Variants in NDST4 observed in about 807,000 individuals in gnomAD.
The protein encoded by NDST4 is N-deacetylase and N-sulfotransferase 4, also known as N-heparan sulfate sulfotransferase 4.
A neutral mutation model predicts 100.8 loss-of-function variants in NDST4; 63 were observed. The observed-to-expected ratio is 0.62, with a 90% CI of 0.51 to 0.77. NDST4 has a LOEUF of 0.77. Ranked by LOEUF, NDST4 falls within the 30% of genes least tolerant of loss-of-function variation. NDST4 has a pLI of 0.00. For synonymous variants in NDST4, 377 were observed against 361.8 expected, an observed-to-expected ratio of 1.04 and a Z score of -0.48; for missense variants, 943 against 1,018.4, an observed-to-expected ratio of 0.93 and a Z score of 1.01.
At chr4:114,875,162 C>T (rs1724230967) in intron 6 of NDST4, among the ~76,000 whole-genome samples, 1 of 152,140 alleles carries the variant, frequency 6.6e-6, no homozygotes, top group African/African-American at 2.4e-5. Context: ...TCCAAGAGGG[C>T]ACCAAGGTCT....
intron 2 of NDST4, among the ~76,000 whole-genome samples, chr4:115,041,010 A>G: frequency 6.6e-6 from 1 of 152,002 alleles, no homozygotes. Context: ...TATGAACTCT[A>G]CCTCTGAGTA....
intron 10 of NDST4, among the ~76,000 whole-genome samples, chr4:114,844,747 T>C (rs1723506510): frequency 6.6e-6 from 1 of 152,208 alleles, no homozygotes; most frequent in Admixed American, 6.5e-5. Context: ...AATATTCCAT[T>C]TTAGTATGAC....
At chr4:115,037,554 A>C (rs1183777470) in intron 2 of NDST4, among the ~76,000 whole-genome samples, 2 of 152,108 alleles carry the variant, frequency 1.3e-5, no homozygotes, top group Non-Finnish European at 2.9e-5. Context: ...ATGTATGTAA[A>C]TATGTATGTA....
intron 2 of NDST4, among the ~76,000 whole-genome samples, chr4:115,039,707 G>A: frequency 6.6e-6 from 1 of 151,846 alleles, no homozygotes; most frequent in East Asian, 1.9e-4. Context: ...TATTGTTAAG[G>A]AAAAGAAAAT....
chr4:115,033,146 TATATATA>T (rs1399987002), intron 2 of NDST4, among the ~76,000 whole-genome samples: 37 of 130,586 alleles, frequency 2.8e-4, no homozygotes, highest in African/African-American at 8.9e-4. Context: ...TATATATATA[TATATATA>T]TATATTTTTT....
At chr4:115,101,025 T>A (rs551948617) in intron 1 of NDST4, among the ~76,000 whole-genome samples, 2 of 152,150 alleles carry the variant, frequency 1.3e-5, no homozygotes, top group African/African-American at 4.8e-5. Flanking sequence ...GATTTGGTGA[T>A]TGATTGGATG....
chr4:114,948,256 C>T (rs1725912685), intron 4 of NDST4, among the ~76,000 whole-genome samples: 1 of 151,812 alleles, frequency 6.6e-6, no homozygotes, highest in Non-Finnish European at 1.5e-5. Context: ...TGAGCCATCC[C>T]TCTGAATGTC....
In NDST4 at chr4:114,935,315, C is replaced by T. The variant is rs754722334; in HGVS notation, c.1427G>A (p.Cys476Tyr). 1 of 1,607,740 alleles carries T rather than the reference C, an allele frequency of 6.2e-7. No individual in the cohort carries two copies. Among genetic ancestry groups the T allele is most frequent in the East Asian group, 2.2e-5 (1 of 44,496 alleles). ...NSIMVLPRQTCGLFTHTIFYK... is the reference protein window; with the variant it reads ...NSIMVLPRQTYGLFTHTIFYK... Reference sequence around the variant, plus strand: ...GAAAATAGTGTGAGTGAACAACCCACAAGTCTGTCGAGGGAGGACCTGAGT... The same window carrying T: ...GAAAATAGTGTGAGTGAACAACCCATAAGTCTGTCGAGGGAGGACCTGAGT... Residue 476 changes from cysteine to tyrosine, a missense_variant, in exon 6 of 14, where the codon TGT becomes TAT. Coordinates refer to ENST00000264363, the MANE Select transcript of NDST4 (RefSeq NM_022569.3).
intron 1 of NDST4, among the ~76,000 whole-genome samples, chr4:115,103,508 T>A (rs1729776591): frequency 1.3e-5 from 2 of 152,182 alleles, no homozygotes; most frequent in Admixed American, 1.3e-4. Flanking sequence ...ACTGATATTT[T>A]CTTTTGATTA....
chr4:115,000,173 G>A (rs752522027), intron 2 of NDST4, among the ~76,000 whole-genome samples: 9 of 150,792 alleles, frequency 6.0e-5, no homozygotes, highest in African/African-American at 2.2e-4. Context: ...TCCAAAATGT[G>A]ATGGCAACTA....
intron 2 of NDST4, among the ~76,000 whole-genome samples, chr4:114,991,941 T>C (rs183396224): frequency 6.6e-6 from 1 of 152,138 alleles, no homozygotes; most frequent in East Asian, 1.9e-4. Context: ...ATCTGGCATA[T>C]ACCTTTTTAT....
At chr4:114,840,315 A>G (rs1216953112) in intron 10 of NDST4, among the ~76,000 whole-genome samples, 1 of 152,194 alleles carries the variant, frequency 6.6e-6, no homozygotes, top group Non-Finnish European at 1.5e-5. Context: ...TTAACAGTCA[A>G]TACAATTTAA....
intron 4 of NDST4, among the ~76,000 whole-genome samples, chr4:114,969,688 T>C (rs1437888508): frequency 1.3e-5 from 2 of 152,234 alleles, no homozygotes; most frequent in African/African-American, 2.4e-5. Flanking sequence ...GGTGTATATA[T>C]GGACCACATT....
At chr4:114,981,832 G>C (rs1726780439) in intron 2 of NDST4, among the ~76,000 whole-genome samples, 1 of 152,050 alleles carries the variant, frequency 6.6e-6, no homozygotes, top group Non-Finnish European at 1.5e-5. Flanking sequence ...TATAGTCTTT[G>C]ATATGGTTTG....
At chr4:114,922,186 T>G (rs1263916637) in intron 6 of NDST4, among the ~76,000 whole-genome samples, 1 of 152,180 alleles carries the variant, frequency 6.6e-6, no homozygotes, top group Non-Finnish European at 1.5e-5. Context: ...CCCTTGAAAC[T>G]GGTGATCAGC....
chr4:115,111,451 T>C (rs954686803), intron 1 of NDST4, among the ~76,000 whole-genome samples: 1 of 151,680 alleles, frequency 6.6e-6, no homozygotes, highest in African/African-American at 2.4e-5. Flanking sequence ...TATTTATATA[T>C]AAAAATAGTC....
intron 3 of NDST4, among the ~76,000 whole-genome samples, chr4:114,973,811 T>C (rs539171615): frequency 1.3e-5 from 2 of 152,000 alleles, no homozygotes; most frequent in Admixed American, 1.3e-4. Flanking sequence ...GTGTAATTTG[T>C]ATAAAATATA....
chr4:114,889,262 G>C (rs1178107910), intron 6 of NDST4, among the ~76,000 whole-genome samples: 1 of 152,122 alleles, frequency 6.6e-6, no homozygotes, highest in Non-Finnish European at 1.5e-5. Context: ...CCCAAGATAC[G>C]TGTGAATTGT....
chr4:115,055,532 A>G (rs1728675758), intron 2 of NDST4, among the ~76,000 whole-genome samples: 1 of 152,152 alleles, frequency 6.6e-6, no homozygotes. Flanking sequence ...TTGTTTATTC[A>G]TTTGATAGCA....
Sources: allele counts gnomAD v4.1 joint callset (sites outside exome capture counted in the v4.1 genomes callset), GRCh38; gene constraint gnomAD v4.1.1; transcripts MANE v1.5; gene names NCBI Gene and HGNC (gene_info 2026-07-23, HGNC 2026-07-21).